STAC: variants seen among roughly 807,000 people sequenced by gnomAD.
STAC encodes the protein SH3 and cysteine-rich domain-containing protein.
Under a neutral mutation model 48.8 loss-of-function variants are expected in STAC, and 43 were observed. The ratio of observed to expected loss-of-function variants is 0.88; its 90% confidence interval spans 0.69 to 1.14. STAC has a LOEUF of 1.14. STAC is among the 50% of genes most tolerant of loss of function. STAC has a pLI of 0.00. For missense variants in STAC, 497 were observed against 504.0 expected (o/e 0.99, Z 0.13); for synonymous variants, 193 against 179.5 (o/e 1.07, Z -0.60).
chr3:36,408,650 A>G (rs1700132115), intron 1 of STAC, among the ~76,000 whole-genome samples: 1 of 152,210 alleles, frequency 6.6e-6, no homozygotes, highest in African/African-American at 2.4e-5. Flanking sequence ...AGAAAATGCC[A>G]TCATTCTTCT....
intron 2 of STAC, among the ~76,000 whole-genome samples, chr3:36,476,705 C>T (rs1412807529): frequency 6.6e-6 from 1 of 152,284 alleles, no homozygotes; most frequent in Non-Finnish European, 1.5e-5. Flanking sequence ...TTGTTATAGC[C>T]TTTAGTTTAA....
At chr3:36,487,233 G>C (rs1697837744) in intron 5 of STAC, among the ~76,000 whole-genome samples, 1 of 152,218 alleles carries the variant, frequency 6.6e-6, no homozygotes, top group Admixed American at 6.5e-5. Context: ...GGGTAGGCAA[G>C]TAGGTGGGTT....
At chr3:36,491,666 C>T (rs1438034936) in intron 5 of STAC, among the ~76,000 whole-genome samples, 1 of 151,786 alleles carries the variant, frequency 6.6e-6, no homozygotes, top group African/African-American at 2.4e-5. Flanking sequence ...GCTAGGAGAG[C>T]TAAGAAGATA....
chr3:36,494,131 C>T (rs1698069745), intron 6 of STAC, among the ~76,000 whole-genome samples: 2 of 126,060 alleles, frequency 1.6e-5, no homozygotes, highest in South Asian at 5.1e-4. Context: ...CCGCCTGGGC[C>T]ACAGAGCGAG....
At chr3:36,432,875 T>A (rs1268786238) in intron 1 of STAC, among the ~76,000 whole-genome samples, 1 of 152,200 alleles carries the variant, frequency 6.6e-6, no homozygotes, top group Non-Finnish European at 1.5e-5. Context: ...TAGTACTGCC[T>A]CATAGGGTTA....
chr3:36,500,751 A>G (rs1698262604), intron 6 of STAC, among the ~76,000 whole-genome samples: 1 of 152,182 alleles, frequency 6.6e-6, no homozygotes, highest in Non-Finnish European at 1.5e-5. Context: ...TAGTCAAAAG[A>G]TAACTAGGAA....
rs1696192091 is a variant in STAC at position 36,437,840 on chromosome 3, TAAAAG to T, written c.112-5523_112-5519del. Among the ~76,000 whole-genome samples the T allele has an allele frequency of 3.3e-5, 5 of 150,742 alleles. No homozygotes were observed. The South Asian group carries it at 1.0e-3, about 32-fold the overall frequency. On this transcript the variant is annotated intron_variant, in intron 1 of 10. Coordinates refer to ENST00000273183, the MANE Select transcript of STAC (RefSeq NM_003149.3). ...TTATTAAAAGACAAAAAAAAAACCT[TAAAAG>T]GAAGGTTTTAATCCTCTTTTTACTG...
intron 2 of STAC, among the ~76,000 whole-genome samples, chr3:36,472,492 G>A (rs368926589): frequency 3.0e-4 from 45 of 152,148 alleles, no homozygotes; most frequent in African/African-American, 8.7e-4. Flanking sequence ...AGCATAGTGC[G>A]GCTGCACATT....
chr3:36,434,691 TC>T (rs1173549983), intron 1 of STAC, among the ~76,000 whole-genome samples: 6 of 152,312 alleles, frequency 3.9e-5, no homozygotes, highest in African/African-American at 1.4e-4. Flanking sequence ...GGACTTTAGA[TC>T]CTGGCAGAAA....
chr3:36,476,637 C>T (rs7646768), intron 2 of STAC, among the ~76,000 whole-genome samples: 138,410 of 152,294 alleles, frequency 0.91, 63,134 homozygotes, highest in African/African-American at 0.98. Flanking sequence ...AAGGACAAAC[C>T]GCTGATGAAT....
intron 1 of STAC, among the ~76,000 whole-genome samples, chr3:36,412,076 G>A (rs559206046): frequency 3.9e-5 from 6 of 152,264 alleles, no homozygotes; most frequent in African/African-American, 1.4e-4. Flanking sequence ...GCAAATATGG[G>A]TCTGTTTTTC....
At chr3:36,431,460 C>T (rs1287450431) in intron 1 of STAC, among the ~76,000 whole-genome samples, 1 of 152,184 alleles carries the variant, frequency 6.6e-6, no homozygotes, top group African/African-American at 2.4e-5. Flanking sequence ...GCTCAGAACC[C>T]ATACTCTCAG....
intron 2 of STAC, among the ~76,000 whole-genome samples, chr3:36,448,856 TA>T (rs1170141759): frequency 2.0e-5 from 3 of 151,070 alleles, no homozygotes; most frequent in Admixed American, 6.6e-5. Context: ...GGTAAGAGGA[TA>T]GCTTGAGGCT....
At chr3:36,475,465 A>G (rs1018200642) in intron 2 of STAC, among the ~76,000 whole-genome samples, 8 of 152,196 alleles carry the variant, frequency 5.3e-5, no homozygotes, top group African/African-American at 1.2e-4. Flanking sequence ...TTGAATCACT[A>G]CATGAAACTA....
At chr3:36,462,095 G>T (rs546342472) in intron 2 of STAC, among the ~76,000 whole-genome samples, 2 of 152,216 alleles carry the variant, frequency 1.3e-5, no homozygotes, top group East Asian at 1.9e-4. Flanking sequence ...GGGTCAGATT[G>T]TTCATATATT....
chr3:36,502,305 GTATGA>G (rs1447865340), intron 6 of STAC, among the ~76,000 whole-genome samples: 2 of 152,140 alleles, frequency 1.3e-5, no homozygotes, highest in Non-Finnish European at 2.9e-5. Context: ...AATAAAAGGT[GTATGA>G]TATGTTTTCG....
chr3:36,453,551 G>C (rs1349852484), intron 2 of STAC, among the ~76,000 whole-genome samples: 1 of 152,212 alleles, frequency 6.6e-6, no homozygotes, highest in East Asian at 1.9e-4. Flanking sequence ...GGGCAGGGCT[G>C]GGGACCTGCA....
At chr3:36,500,775 T>A (rs1698264181) in intron 6 of STAC, among the ~76,000 whole-genome samples, 1 of 152,116 alleles carries the variant, frequency 6.6e-6, no homozygotes, top group Non-Finnish European at 1.5e-5. Flanking sequence ...CAATAATTTG[T>A]AAAATAAAAA....
At chr3:36,407,270 A>C (rs1700104137) in intron 1 of STAC, among the ~76,000 whole-genome samples, 1 of 151,894 alleles carries the variant, frequency 6.6e-6, no homozygotes, top group Admixed American at 6.6e-5. Context: ...AGAAACAAAC[A>C]AACCAAAAAA....
Sources: gnomAD v4.1 joint callset for allele counts (sites outside exome capture counted in the v4.1 genomes callset) on GRCh38, gnomAD v4.1.1 for gene constraint, MANE v1.5 for transcripts, NCBI Gene and HGNC (gene_info 2026-07-23, HGNC 2026-07-21) for gene names.